LCN6: variants seen among roughly 807,000 people sequenced by gnomAD.
LCN6 encodes the protein lipocalin 6.
Under a neutral mutation model 21.4 loss-of-function variants are expected in LCN6, and 20 were observed. That is an observed-to-expected ratio of 0.93 (90% CI 0.66 to 1.36). The LOEUF is 1.36. Among genes scored for constraint, LCN6 ranks in the 40% most tolerant of loss-of-function variants. LCN6 has a pLI of 0.00. For missense variants in LCN6, 217 were observed against 206.6 expected, an observed-to-expected ratio of 1.05 and a Z score of -0.31; for synonymous variants, 96 against 89.0, an observed-to-expected ratio of 1.08 and a Z score of -0.44.
rs535694769 is a variant in LCN6 at position 136,744,521 on chromosome 9, G to C, written c.*22+119C>G. The stretch of plus-strand genomic sequence containing the variant: ...CCCCTCAGCCTGCCTGACTCCTTCA[G>C]GGCGACTGAGTCAGGCAGAAGCCAG... On this transcript the variant is annotated intron_variant, in intron 5 of 6. Transcript: ENST00000341206. This position sits in a 1 kb window ranked among gnomAD's most constrained non-coding sequence, Gnocchi z 4.2. The C allele has an allele frequency of 1.5e-6, 1 of 646,654 alleles. No individual in the cohort carries two copies. Among genetic ancestry groups the C allele is most frequent in the South Asian group, 2.0e-5 (1 of 50,076 alleles). The allele number at this position is 646,654 out of a possible 1,614,324, so 40.1% of individuals were successfully genotyped here.
At chr9:136,747,836 C>G (rs540122184) in intron 1 of LCN6, among the ~76,000 whole-genome samples, 21 of 150,666 alleles carry the variant, frequency 1.4e-4, no homozygotes, top group African/African-American at 5.1e-4. Context: ...CTTGCAGCCT[C>G]TAGCCTTCAG....
Position 136,747,419 on chromosome 9 carries a change from C to T in LCN6, c.230+5G>A, listed in dbSNP as rs949040458. 4 of 1,612,150 alleles carry T rather than the reference C, an allele frequency of 2.5e-6. No individual in the cohort carries two copies. The African/African-American group carries it at 5.3e-5, about 22-fold the overall frequency. ...GGGAAGGCCTGGCAGGACCCGCCCA[C>T]TCACCCGTGCTGAGAGGACAGCGTC... On this transcript the variant is annotated splice_donor_5th_base_variant and intron_variant, in intron 2 of 6. Transcript: ENST00000341206.
chr9:136,747,053 G>A lies in LCN6; in HGVS notation c.230+371C>T, dbSNP rs540910147. ...GAAAGAACCAGTGGTTCTTAGGTCC[G>A]AATGCATTATCCTCCTTTAAACAGA... On this transcript the variant is annotated intron_variant, in intron 2 of 6. Coordinates refer to ENST00000341206, the MANE Select transcript of LCN6 (RefSeq NM_198946.3). 73 of 189,500 alleles carry A rather than the reference G, an allele frequency of 3.9e-4. No individual in the cohort carries two copies. In the South Asian group the frequency reaches 0.011, roughly 28 times the overall value. The allele number at this position is 189,500 out of a possible 1,614,324, so 11.7% of individuals were successfully genotyped here. A position where few individuals can be genotyped will look rare whatever the true frequency, so the allele number is the denominator to read the frequency against.
Position 136,747,742 on chromosome 9 carries a change from G to GC in LCN6, c.91-180dup, listed in dbSNP as rs1487393436. On this transcript the variant is annotated intron_variant, in intron 1 of 6. Transcript: ENST00000341206. ...CAGCCTCCAGCCTTCCAGCCCTGCA[G>GC]CCTCCAGCCTCCACCCTCCAACCAT... is the stretch of plus-strand genomic sequence containing the variant. 5.5e-4 allele frequency among the ~76,000 whole-genome samples: 54 copies of GC among 98,818 alleles called. 1 individual carries two copies. The highest frequency in any genetic ancestry group is 2.9e-3 in the African/African-American group (53 of 18,260). The allele number at this position is 98,818 out of a possible 152,430, so 64.8% of individuals were successfully genotyped here.
At chr9:136,747,897 C>G (rs1847070812) in intron 1 of LCN6, among the ~76,000 whole-genome samples, 1 of 128,840 alleles carries the variant, frequency 7.8e-6, no homozygotes, top group African/African-American at 3.4e-5. Context: ...CTCCAACCCT[C>G]CAGCCTCCAG....
At position 136,744,767 on chromosome 9, in the gene LCN6, G is replaced by C. The variant is rs370105654; in HGVS notation, c.413-26C>G. ...CTGGGGGCACCAGGGCAGTGCAGGG[G>C]GAAGCAACCTCTGAGAGCTGGGGAG... On this transcript the variant is annotated intron_variant, in intron 4 of 6. Transcript: ENST00000341206. This position sits in a 1 kb window ranked among gnomAD's most constrained non-coding sequence, Gnocchi z 4.2. The C allele has an allele frequency of 2.5e-5, 39 of 1,566,090 alleles. 1 individual carries two copies. The African/African-American group carries it at 4.9e-4, about 19-fold the overall frequency.
At chr9:136,745,578 A>G (rs1588301193) in intron 3 of LCN6, 2 of 591,372 alleles carry the variant, frequency 3.4e-6, no homozygotes, top group South Asian at 2.0e-5. Context: ...CTGTACCTGT[A>G]GACAGCCACT....
Position 136,748,397 on chromosome 9 carries a change from C to T in LCN6, c.87G>A (p.Glu29=). ...CCCACCCCCAGGAGGACTGTACCTGCTCAGGGTCCAGTCTTCCCAACCACA... is the reference window on the plus strand; with the variant it reads ...CCCACCCCCAGGAGGACTGTACCTGTTCAGGGTCCAGTCTTCCCAACCACA... ...QAVWLGRLDP[E]QLLGPWYVLA... is the part of the protein sequence containing the mutation. Residue 29 remains glutamate (E), a synonymous_variant, in exon 1 of 7, where the codon GAG becomes GAA. Transcript: ENST00000341206. 1 of 1,611,432 alleles carries T rather than the reference C, an allele frequency of 6.2e-7. No homozygotes were observed. The highest frequency in any genetic ancestry group is 8.5e-7 in the Non-Finnish European group (1 of 1,179,070).
rs866477285 is a variant in LCN6, at chr9:136,747,646, G to C, written c.91-83C>G. On this transcript the variant is annotated intron_variant, in intron 1 of 6. Coordinates refer to ENST00000341206, the MANE Select transcript of LCN6 (RefSeq NM_198946.3). ...TCCAACCCTCCAGCCTCAGCCTCCA[G>C]CCTCCAAACCTCCAGCCTCAGCCTC... The C allele has an allele frequency of 3.2e-5, 30 of 949,858 alleles. 1 individual carries two copies. Among genetic ancestry groups the C allele is most frequent in the Middle Eastern group, 6.0e-4 (2 of 3,336 alleles). The allele number at this position is 949,858 out of a possible 1,614,324, so 58.8% of individuals were successfully genotyped here.
At position 136,744,853 on chromosome 9, in the gene LCN6, C is replaced by T. The variant is rs534978345; in HGVS notation, c.413-112G>A. 1.6e-5 allele frequency: 13 copies of T among 793,698 alleles called. No homozygotes were observed. Among genetic ancestry groups the T allele is most frequent in the Admixed American group, 1.1e-4 (5 of 45,682 alleles). 49.2% of individuals were successfully genotyped at this position (793,698 alleles called of 1,614,324 possible). On this transcript the variant is annotated intron_variant, in intron 4 of 6. Coordinates refer to ENST00000341206, the MANE Select transcript of LCN6 (RefSeq NM_198946.3). The surrounding 1 kb of genome is among the most constrained non-coding windows in gnomAD (Gnocchi z 4.2). ...GCCACCTGCCCTGGGATGCTGGCCC[C>T]GGTCCTTCCAAAGCCACCTCCAGTG... is the stretch of plus-strand genomic sequence containing the variant.
chr9:136,747,199 A>T (rs1564327169), intron 2 of LCN6, among the ~76,000 whole-genome samples: 1 of 152,092 alleles, frequency 6.6e-6, no homozygotes, highest in Admixed American at 6.5e-5. Context: ...CCGCCGCGGT[A>T]TTGAAGGTGG....
chr9:136,747,596 G>T, intron 1 of LCN6, 33 bp from the exon 2 acceptor site: 1 of 1,597,802 alleles, frequency 6.3e-7, no homozygotes. Flanking sequence ...AGGGCCGCCA[G>T]CCCTCCAGCC....
In LCN6 at chr9:136,745,289, C is replaced by T. The variant is rs376943804; in HGVS notation, c.302-9G>A. Reference sequence around the variant, plus strand: ...CTCCAGCACGCCTATTGCTAGGAAACAAAACCCCCCGCCTCAGGGGAGGGC... The same window carrying T: ...CTCCAGCACGCCTATTGCTAGGAAATAAAACCCCCCGCCTCAGGGGAGGGC... On this transcript the variant is annotated splice_polypyrimidine_tract_variant and intron_variant, in intron 3 of 6. Transcript: ENST00000341206. 22 of 1,593,612 alleles carry T rather than the reference C, an allele frequency of 1.4e-5. No homozygotes were observed. Among genetic ancestry groups the T allele is most frequent in the African/African-American group, 9.4e-5 (7 of 74,490 alleles).
At chr9:136,747,214 G>A (rs1486168971) in intron 2 of LCN6, among the ~76,000 whole-genome samples, 2 of 152,188 alleles carry the variant, frequency 1.3e-5, no homozygotes, top group Non-Finnish European at 2.9e-5. Flanking sequence ...AGGTGGGAGT[G>A]CCACCTGGAG....
intron 3 of LCN6, 140 bp from the exon 4 acceptor site, chr9:136,745,420 C>T (rs1847024159): frequency 1.6e-6 from 1 of 643,466 alleles, no homozygotes; most frequent in African/African-American, 1.8e-5. Flanking sequence ...CCAAGCACAC[C>T]CAGAGCCCCC....
In LCN6 at chr9:136,747,578, C is replaced by T. The variant is rs1190772866; in HGVS notation, c.91-15G>A. On this transcript the variant is annotated splice_polypyrimidine_tract_variant and intron_variant, in intron 1 of 6. Transcript: ENST00000341206. ...GGCCCAAGAAGCTGCATTGAGGCGGCTCCCGTTAGGGCCGCCAGCCCTCCA... is the reference window on the plus strand; with the variant it reads ...GGCCCAAGAAGCTGCATTGAGGCGGTTCCCGTTAGGGCCGCCAGCCCTCCA... The T allele has an allele frequency of 1.9e-6, 3 of 1,606,184 alleles. No individual in the cohort carries two copies. Among genetic ancestry groups the T allele is most frequent in the East Asian group, 2.2e-5 (1 of 44,896 alleles).
intron 2 of LCN6, among the ~76,000 whole-genome samples, chr9:136,746,281 G>A (rs1264210092): frequency 1.1e-3 from 142 of 135,094 alleles, no homozygotes; most frequent in Non-Finnish European, 1.9e-3. Context: ...GCGGGGTGGG[G>A]GTTCGCCCGC....
intron 2 of LCN6, 51 bp from the exon 3 acceptor site, chr9:136,745,965 G>A (rs747686714): frequency 1.7e-5 from 26 of 1,536,384 alleles, no homozygotes; most frequent in African/African-American, 2.7e-5. Flanking sequence ...CCCGGGGCCC[G>A]GTGAGAGGAG....
At chr9:136,748,165 C>A (rs1227017597) in intron 1 of LCN6, among the ~76,000 whole-genome samples, 1 of 152,038 alleles carries the variant, frequency 6.6e-6, no homozygotes, top group East Asian at 1.9e-4. Context: ...AGCCCTGCAA[C>A]CTCCAGTCTC....
Sources: allele counts gnomAD v4.1 joint callset (sites outside exome capture counted in the v4.1 genomes callset), GRCh38; gene constraint gnomAD v4.1.1; non-coding constraint Gnocchi (gnomAD v3.1); transcripts MANE v1.5; gene names NCBI Gene and HGNC (gene_info 2026-07-23, HGNC 2026-07-21).